Variants in NR5A2 observed in about 807,000 individuals in gnomAD.
NR5A2 encodes the protein nuclear receptor subfamily 5 group A member 2.
NR5A2 carries 26 observed loss-of-function variants against 62.7 expected under a neutral mutation model. The observed-to-expected ratio is 0.41, with a 90% confidence interval of 0.30 to 0.58. The LOEUF (loss-of-function observed/expected upper bound fraction) is 0.58, where lower values mean the gene tolerates loss of function less well. NR5A2 is among the 20% of genes least tolerant of loss of function. The pLI is 0.22. For missense variants in NR5A2, 541 were observed against 669.1 expected, an observed-to-expected ratio of 0.81 and a Z score of 2.11; for synonymous variants, 246 against 241.7, an observed-to-expected ratio of 1.02 and a Z score of -0.16.
At chr1:200,057,998 A>C (rs569154532) in intron 5 of NR5A2, 1 of 152,522 alleles carries the variant, frequency 6.6e-6, no homozygotes, top group East Asian at 1.9e-4. Flanking sequence ...AGGTTTCACC[A>C]TGTCAGCCAG....
Sources: allele counts gnomAD v4.1 joint callset, GRCh38; gene constraint gnomAD v4.1.1; transcripts MANE v1.5; gene names NCBI Gene and HGNC (gene_info 2026-07-23, HGNC 2026-07-21).